The following CD46 variants were observed in gnomAD, a reference collection of about 807,000 sequenced individuals.
CD46 encodes the protein membrane cofactor protein.
CD46 carries 30 observed loss-of-function variants against 53.3 expected under a neutral mutation model. That is an observed-to-expected ratio of 0.56 (90% CI 0.42 to 0.76). CD46 has a LOEUF of 0.76. CD46 is among the 30% of genes least tolerant of loss of function. The pLI is 0.00. For missense variants in CD46, 409 were observed against 463.0 expected (o/e 0.88, Z 1.07); for synonymous variants, 142 against 152.0 (o/e 0.93, Z 0.48).
intron 8 of CD46, among the ~76,000 whole-genome samples, chr1:207,776,479 G>T (rs1658118790): frequency 1.3e-5 from 2 of 152,136 alleles, no homozygotes; most frequent in South Asian, 4.1e-4. Flanking sequence ...TTCCTATTCA[G>T]CCATCTTGGA....
chr1:207,775,559 T>C (rs994386809), intron 8 of CD46, among the ~76,000 whole-genome samples: 2 of 152,196 alleles, frequency 1.3e-5, no homozygotes, highest in African/African-American at 4.8e-5. Context: ...GATGTCCTTT[T>C]TGTTGATGTT....
chr1:207,777,716 C>G (rs1658271211), intron 8 of CD46, among the ~76,000 whole-genome samples: 1 of 152,132 alleles, frequency 6.6e-6, no homozygotes, highest in South Asian at 2.1e-4. Flanking sequence ...GATTCCTTGT[C>G]TTTGCTATTG....
intron 11 of CD46, among the ~76,000 whole-genome samples, chr1:207,789,152 A>T (rs1407880348): frequency 1.3e-5 from 2 of 152,176 alleles, no homozygotes; most frequent in African/African-American, 2.4e-5. Context: ...GGTTTTTTTT[A>T]AATGCATGAT....
At chr1:207,786,506 G>A (rs1041916899) in intron 11 of CD46, among the ~76,000 whole-genome samples, 12 of 152,138 alleles carry the variant, frequency 7.9e-5, no homozygotes, top group African/African-American at 2.9e-4. Context: ...CTGGAACACA[G>A]ACTAAGATTA....
At chr1:207,792,471 G>A (rs916601790) in intron 12 of CD46, among the ~76,000 whole-genome samples, 1 of 152,118 alleles carries the variant, frequency 6.6e-6, no homozygotes, top group African/African-American at 2.4e-5. Flanking sequence ...TACGCCTGAG[G>A]TTGCAATTTT....
chr1:207,757,580 A>G lies in CD46; in HGVS notation c.327A>G (p.Gln109=). The G allele has an allele frequency of 6.2e-7, 1 of 1,611,606 alleles. No homozygotes were observed. Among genetic ancestry groups the G allele is most frequent in the East Asian group, 2.2e-5 (1 of 44,820 alleles). ...ATATACGGGATCCTTTAAATGGCCA[A>G]GCAGTCCCTGCAAATGGGACTTACG... ...CPYIRDPLNG[Q]AVPANGTYEF... Residue 109 remains glutamine (Q), a synonymous_variant, in exon 3 of 13, where the codon CAA becomes CAG. Coordinates refer to ENST00000367042, the MANE Select transcript of CD46 (RefSeq NM_172351.3).
At chr1:207,770,525 G>C (rs566847891) in intron 8 of CD46, among the ~76,000 whole-genome samples, 163 bp downstream of exon 8, 1 of 152,204 alleles carries the variant, frequency 6.6e-6, no homozygotes, top group Admixed American at 6.5e-5. Context: ...TTTATATTAG[G>C]TATTTCTCCT....
intron 8 of CD46, among the ~76,000 whole-genome samples, chr1:207,777,754 TG>T (rs1357281407): frequency 3.3e-5 from 5 of 152,330 alleles, no homozygotes; most frequent in African/African-American, 1.2e-4. Flanking sequence ...AACATTCATG[TG>T]CATATATCTT....
chr1:207,792,248 C>T (rs41318005), intron 12 of CD46, among the ~76,000 whole-genome samples: 3,789 of 152,066 alleles, frequency 0.025, 146 homozygotes, highest in African/African-American at 0.085. Flanking sequence ...CACTGCACTC[C>T]AGCCTGGGTG....
At chr1:207,771,774 G>C (rs1657531764) in intron 8 of CD46, among the ~76,000 whole-genome samples, 3 of 152,196 alleles carry the variant, frequency 2.0e-5, no homozygotes, top group South Asian at 4.1e-4. Flanking sequence ...TTTGGTACCA[G>C]TACCATGCTG....
intron 6 of CD46, 33 bp downstream of exon 6, chr1:207,767,228 GTTA>G (rs778743202): frequency 6.4e-7 from 1 of 1,550,554 alleles, no homozygotes; most frequent in Non-Finnish European, 8.9e-7. Flanking sequence ...GTCTTGGTTT[GTTA>G]TTGTTGTTGC....
At chr1:207,773,277 AT>A (rs1162921563) in intron 8 of CD46, among the ~76,000 whole-genome samples, 1 of 151,876 alleles carries the variant, frequency 6.6e-6, no homozygotes, top group Admixed American at 6.6e-5. Flanking sequence ...CGTCTATTTG[AT>A]TATTCTCTCT....
chr1:207,757,433 A>G (rs1558044821), intron 2 of CD46, 107 bp from the exon 3 acceptor site: 2 of 812,778 alleles, frequency 2.5e-6, no homozygotes, highest in East Asian at 2.7e-5. Context: ...TAAGTAAATA[A>G]TGAAAATTAT....
intron 9 of CD46, 26 bp downstream of exon 9, chr1:207,783,356 T>G (rs1237107866): frequency 1.4e-6 from 2 of 1,422,014 alleles, no homozygotes; most frequent in Non-Finnish European, 2.0e-6. Flanking sequence ...ATGACAAATA[T>G]AAGTGGTAGT....
chr1:207,763,816 A>G (rs955999952), intron 5 of CD46, among the ~76,000 whole-genome samples: 8 of 150,486 alleles, frequency 5.3e-5, no homozygotes, highest in African/African-American at 1.7e-4. Context: ...TGCATTGTTA[A>G]CAAGTCAACA....
chr1:207,770,008 C>T, intron 7 of CD46: 1 of 296,994 alleles, frequency 3.4e-6, no homozygotes, highest in East Asian at 8.0e-5. Flanking sequence ...TCAAGTGATT[C>T]ACCTGCCTCG....
At chr1:207,776,548 A>C (rs1658129541) in intron 8 of CD46, among the ~76,000 whole-genome samples, 1 of 152,232 alleles carries the variant, frequency 6.6e-6, no homozygotes, top group Admixed American at 6.5e-5. Context: ...TATCTAAAAA[A>C]ATGTTAAGAA....
intron 7 of CD46, chr1:207,768,087 A>G: frequency 2.5e-6 from 1 of 398,678 alleles, no homozygotes; most frequent in Non-Finnish European, 4.6e-6. Flanking sequence ...ATATAGAGAA[A>G]TTGATTTAGT....
chr1:207,784,956 T>G, intron 9 of CD46, 115 bp from the exon 10 acceptor site: 166 of 839,636 alleles, frequency 2.0e-4, no homozygotes, highest in Non-Finnish European at 2.9e-4. Flanking sequence ...CGATTCAAGA[T>G]GAGATTTGGG....
Sources: gnomAD v4.1 joint callset for allele counts (sites outside exome capture counted in the v4.1 genomes callset) on GRCh38, gnomAD v4.1.1 for gene constraint, MANE v1.5 for transcripts, NCBI Gene and HGNC (gene_info 2026-07-23, HGNC 2026-07-21) for gene names.